Variants in VIT observed in about 807,000 individuals in gnomAD.
The protein encoded by VIT is vitrin.
Under a neutral mutation model 78.0 loss-of-function variants are expected in VIT, and 99 were observed. The observed-to-expected ratio is 1.27, with a 90% CI of 1.08 to 1.50. The LOEUF (loss-of-function observed/expected upper bound fraction) is 1.50, where lower values mean the gene tolerates loss of function less well. Among genes scored for constraint, VIT ranks in the 40% most tolerant of loss-of-function variants. The pLI, the probability that VIT is intolerant of heterozygous loss-of-function variation, is 0.00. For synonymous variants in VIT, 374 were observed against 334.3 expected (o/e 1.12, Z -1.29); for missense variants, 1,126 against 875.3 (o/e 1.29, Z -3.61).
chr2:36,759,219 G>C, intron 6 of VIT, 173 bp downstream of exon 6: 1 of 1,540,176 alleles, frequency 6.5e-7, no homozygotes, highest in South Asian at 1.2e-5. Context: ...CAGATGGCTG[G>C]GGCTGAAGAA....
intron 12 of VIT, among the ~76,000 whole-genome samples, chr2:36,791,434 C>A (rs1176935924): frequency 1.3e-5 from 2 of 152,200 alleles, no homozygotes; most frequent in Non-Finnish European, 2.9e-5. Context: ...ATGTCCAAAT[C>A]CCTGGAAACC....
intron 12 of VIT, among the ~76,000 whole-genome samples, chr2:36,799,631 T>C (rs934614659): frequency 6.6e-6 from 1 of 151,226 alleles, no homozygotes; most frequent in African/African-American, 2.4e-5. Context: ...GGTGGGAGGA[T>C]GCTTGAGCCC....
At chr2:36,758,595 A>G (rs1439204705) in intron 5 of VIT, among the ~76,000 whole-genome samples, 2 of 152,234 alleles carry the variant, frequency 1.3e-5, no homozygotes, top group African/African-American at 4.8e-5. Flanking sequence ...GGAGCACTCC[A>G]TCATCTCAAA....
intron 7 of VIT, among the ~76,000 whole-genome samples, chr2:36,769,907 T>C (rs564995615): frequency 1.3e-5 from 2 of 152,354 alleles, no homozygotes; most frequent in East Asian, 1.9e-4. Flanking sequence ...CTTAAGGCTA[T>C]AGATATTTGC....
chr2:36,740,401 A>G (rs1332881185), intron 3 of VIT, among the ~76,000 whole-genome samples: 1 of 152,258 alleles, frequency 6.6e-6, no homozygotes, highest in Non-Finnish European at 1.5e-5. Context: ...TGCCAGAAAG[A>G]TGCAAATGCC....
chr2:36,784,002 G>A (rs919609310), intron 11 of VIT, among the ~76,000 whole-genome samples: 16 of 152,158 alleles, frequency 1.1e-4, no homozygotes, highest in African/African-American at 3.6e-4. Context: ...AGAGTTGTAA[G>A]ACAATGAGCT....
At chr2:36,774,842 T>C (rs1279626696) in intron 8 of VIT, 160 bp from the exon 9 acceptor site, 1 of 985,286 alleles carries the variant, frequency 1.0e-6, no homozygotes. Flanking sequence ...CCAAGATTTT[T>C]GCCTCCTCTG....
At chr2:36,761,145 A>T (rs963919372) in intron 6 of VIT, among the ~76,000 whole-genome samples, 1 of 152,218 alleles carries the variant, frequency 6.6e-6, no homozygotes, top group Non-Finnish European at 1.5e-5. Flanking sequence ...ATGGATCTGC[A>T]GAAAGATTGG....
At chr2:36,760,370 A>C (rs1349534480) in intron 6 of VIT, among the ~76,000 whole-genome samples, 1 of 151,562 alleles carries the variant, frequency 6.6e-6, no homozygotes, top group Non-Finnish European at 1.5e-5. Context: ...GCATACAAAT[A>C]AGGAATTTTT....
rs527488472 is a variant in VIT, at chr2:36,770,230, C to A, written c.679+2945C>A. ...ATCGATGAACACATCCCATCAAGATCCCTGCAGCAAGTCGCTTCGGCTTAG... is the reference window on the plus strand; with the variant it reads ...ATCGATGAACACATCCCATCAAGATACCTGCAGCAAGTCGCTTCGGCTTAG... On this transcript the variant is annotated intron_variant, in intron 7 of 15. Transcript: ENST00000379242. Among the ~76,000 whole-genome samples the A allele has an allele frequency of 2.6e-5, 4 of 152,300 alleles. No individual in the cohort carries two copies. In the South Asian group the frequency reaches 8.3e-4, roughly 32 times the overall value.
chr2:36,785,280 G>A (rs965096376), intron 11 of VIT, among the ~76,000 whole-genome samples: 1 of 152,122 alleles, frequency 6.6e-6, no homozygotes, highest in African/African-American at 2.4e-5. Flanking sequence ...TAAAATGCAC[G>A]TCTGTCTCTA....
At chr2:36,702,388 C>G (rs1216434028) in intron 1 of VIT, among the ~76,000 whole-genome samples, 1 of 148,270 alleles carries the variant, frequency 6.7e-6, no homozygotes, top group Non-Finnish European at 1.5e-5. Flanking sequence ...TGAAATCTGT[C>G]AGGCCAAGCT....
chr2:36,735,844 A>G (rs1476698940), intron 3 of VIT, among the ~76,000 whole-genome samples: 1 of 152,212 alleles, frequency 6.6e-6, no homozygotes, highest in African/African-American at 2.4e-5. Flanking sequence ...CAAAGCCTGG[A>G]GAGAGTGTTG....
rs76535801 is a variant in VIT, at chr2:36,774,717, G to A, written c.737-285G>A. 1.8e-3 allele frequency: 1,818 copies of A among 985,362 alleles called. 39 individuals are homozygous for A. In the African/African-American group the frequency reaches 0.03, roughly 16 times the overall value. 61.0% of individuals were successfully genotyped at this position (985,362 alleles called of 1,614,324 possible). On this transcript the variant is annotated intron_variant, in intron 8 of 15. Transcript: ENST00000379242. ...GCTGTTGTCCTGGACAAAAAGGCTT[G>A]AGAATGAGAACACTGGCCAGGGCAA...
At chr2:36,719,122 C>T (rs1208750715) in intron 2 of VIT, among the ~76,000 whole-genome samples, 3 of 152,238 alleles carry the variant, frequency 2.0e-5, no homozygotes, top group Non-Finnish European at 4.4e-5. Context: ...TCAGCCTGCC[C>T]TTGCCCTTCT....
In VIT at chr2:36,805,353, C is replaced by G. The variant is rs546192856; in HGVS notation, c.1163-85C>G. 39 of 1,044,064 alleles carry G rather than the reference C, an allele frequency of 3.7e-5. No individual in the cohort carries two copies. The South Asian group carries it at 5.2e-4, about 14-fold the overall frequency. 64.7% of individuals were successfully genotyped at this position (1,044,064 alleles called of 1,614,324 possible). On this transcript the variant is annotated intron_variant, in intron 13 of 15. Transcript: ENST00000379242. The stretch of plus-strand genomic sequence containing the variant: ...CTAGGGAGGGAATGAGTGTATTTTT[C>G]TGGACCTCTTTGTGCTGCTGTGATC...
chr2:36,758,379 A>C (rs576981538), intron 5 of VIT, among the ~76,000 whole-genome samples: 30 of 152,344 alleles, frequency 2.0e-4, no homozygotes, highest in African/African-American at 6.7e-4. Flanking sequence ...GGTCAGAAGA[A>C]GACTTTGGCA....
chr2:36,797,852 T>C lies in VIT; in HGVS notation c.1059-3449T>C, dbSNP rs545870434. Among the ~76,000 whole-genome samples, 3 of 152,238 alleles carry C rather than the reference T, an allele frequency of 2.0e-5. No individual in the cohort carries two copies. The East Asian group carries it at 5.8e-4, about 29-fold the overall frequency. On this transcript the variant is annotated intron_variant, in intron 12 of 15. Coordinates refer to ENST00000379242, the MANE Select transcript of VIT (RefSeq NM_053276.4). ...AGAAATGTTAATGCTGTTAATTGAG[T>C]GCCTGTAGGCGCCACATATTATGCA...
intron 6 of VIT, 107 bp from the exon 7 acceptor site, chr2:36,766,987 A>G (rs1176611910): frequency 4.7e-6 from 6 of 1,282,820 alleles, no homozygotes; most frequent in African/African-American, 1.5e-5. Context: ...TGGCTAGCAC[A>G]GCTCTGTGCT....
Sources: allele counts gnomAD v4.1 joint callset (sites outside exome capture counted in the v4.1 genomes callset), GRCh38; gene constraint gnomAD v4.1.1; transcripts MANE v1.5; gene names NCBI Gene and HGNC (gene_info 2026-07-23, HGNC 2026-07-21).